Variants in FADS2 observed in about 807,000 individuals in gnomAD.
FADS2 encodes the protein acyl-CoA 6-desaturase.
Under a neutral mutation model 61.2 loss-of-function variants are expected in FADS2, and 18 were observed. The observed-to-expected ratio is 0.29, with a 90% CI of 0.20 to 0.44. The LOEUF (loss-of-function observed/expected upper bound fraction) is 0.44. Among genes scored for constraint, FADS2 ranks in the 20% least tolerant of loss-of-function variants. FADS2 has a pLI of 1.00. For synonymous variants in FADS2, 203 were observed against 223.9 expected (o/e 0.91, Z 0.83); for missense variants, 322 against 572.7 (o/e 0.56, Z 4.47).
intron 1 of FADS2, among the ~76,000 whole-genome samples, chr11:61,829,470 C>T (rs2067109939): frequency 6.6e-6 from 1 of 152,218 alleles, no homozygotes; most frequent in African/African-American, 2.4e-5. Context: ...TGCTGCCCAC[C>T]TTACCCCCAC....
chr11:61,831,120 G>C (rs1388934170), intron 1 of FADS2, among the ~76,000 whole-genome samples: 2 of 152,038 alleles, frequency 1.3e-5, no homozygotes, highest in African/African-American at 4.8e-5. Flanking sequence ...AACTGTCCAG[G>C]ACCAGGTTGG....
chr11:61,858,588 G>A (rs544040647), intron 7 of FADS2, among the ~76,000 whole-genome samples: 6 of 150,198 alleles, frequency 4.0e-5, no homozygotes, highest in South Asian at 4.2e-4. Context: ...TTGTAATTAC[G>A]TCATCTTTTT....
At chr11:61,819,575 AC>A (rs2067021405) in intron 1 of FADS2, among the ~76,000 whole-genome samples, 1 of 152,232 alleles carries the variant, frequency 6.6e-6, no homozygotes, top group Non-Finnish European at 1.5e-5. Flanking sequence ...CTATTTATAA[AC>A]AAAAAATATT....
At chr11:61,861,865 T>C (rs1228329454) in intron 7 of FADS2, 1 of 152,290 alleles carries the variant, frequency 6.6e-6, no homozygotes, top group Non-Finnish European at 1.5e-5. Flanking sequence ...TGGGTTCTGG[T>C]TTAGGCCTCT....
intron 1 of FADS2, among the ~76,000 whole-genome samples, chr11:61,819,576 C>CA (rs1265542930): frequency 6.6e-6 from 1 of 152,100 alleles, no homozygotes; most frequent in Non-Finnish European, 1.5e-5. Flanking sequence ...TATTTATAAA[C>CA]AAAAAATATT....
intron 7 of FADS2, among the ~76,000 whole-genome samples, chr11:61,859,519 A>G (rs1473710520): frequency 5.3e-5 from 8 of 152,150 alleles, no homozygotes; most frequent in Non-Finnish European, 8.8e-5. Flanking sequence ...AACATATTCA[A>G]TGTAAGTCCT....
upstream of FADS2, chr11:61,828,011 G>A (rs919990065): frequency 9.0e-7 from 1 of 1,109,998 alleles, no homozygotes; most frequent in Admixed American, 4.9e-5. The surrounding 1 kb of genome is among the most constrained non-coding windows in gnomAD (Gnocchi z 6.4). Flanking sequence ...AAACTCGGGC[G>A]GCGGGGAACG....
At chr11:61,820,584 TTCTA>T (rs1287859225) in intron 1 of FADS2, among the ~76,000 whole-genome samples, 1 of 151,886 alleles carries the variant, frequency 6.6e-6, no homozygotes, top group East Asian at 1.9e-4. Flanking sequence ...TGGTTTGGAG[TTCTA>T]GGTGGAATCC....
intron 1 of FADS2, among the ~76,000 whole-genome samples, chr11:61,833,557 G>A (rs150662016): frequency 1.3e-5 from 2 of 152,352 alleles, no homozygotes; most frequent in Non-Finnish European, 2.9e-5. Context: ...TCATTCCCGA[G>A]TGTGATAGTG....
intron 4 of FADS2, among the ~76,000 whole-genome samples, chr11:61,844,154 C>A (rs541214814): frequency 6.6e-6 from 1 of 152,162 alleles, no homozygotes; most frequent in Non-Finnish European, 1.5e-5. Flanking sequence ...AAATATTTAA[C>A]AATGAAGAAG....
intron 4 of FADS2, among the ~76,000 whole-genome samples, chr11:61,841,265 C>T (rs761280996): frequency 1.3e-5 from 2 of 151,798 alleles, no homozygotes; most frequent in African/African-American, 2.4e-5. Flanking sequence ...TTGGTCAGGC[C>T]GGTATCAAAC....
At chr11:61,846,131 C>CTTTTTTTTT (rs550169322) in intron 4 of FADS2, among the ~76,000 whole-genome samples, 9 of 130,444 alleles carry the variant, frequency 6.9e-5, no homozygotes, top group East Asian at 2.3e-4. Flanking sequence ...TCTTTCTTTT[C>CTTTTTTTTT]TTTTTTTTTT....
chr11:61,824,503 GAA>G (rs1182668581), upstream of FADS2, among the ~76,000 whole-genome samples: 5 of 1,914 alleles, frequency 2.6e-3, no homozygotes, highest in Admixed American at 0.015. Flanking sequence ...AGAAAGAAAG[GAA>G]AGAAAGAAAG....
chr11:61,817,075 C>G, intron 1 of FADS2: 1 of 1,005,754 alleles, frequency 9.9e-7, no homozygotes, highest in African/African-American at 1.7e-5. Flanking sequence ...AGGCGGGCAT[C>G]GCGGCGTTGG....
At chr11:61,861,767 G>C (rs969465532) in intron 7 of FADS2, among the ~76,000 whole-genome samples, 2 of 152,188 alleles carry the variant, frequency 1.3e-5, no homozygotes, top group Non-Finnish European at 2.9e-5. Context: ...CCTAGGACCA[G>C]CCTAGATTCC....
At chr11:61,861,129 C>G (rs186821279) in intron 7 of FADS2, among the ~76,000 whole-genome samples, 3 of 151,744 alleles carry the variant, frequency 2.0e-5, no homozygotes, top group Non-Finnish European at 4.4e-5. Context: ...CTGAGGCAGG[C>G]GGATCACAAG....
chr11:61,817,008 C>T, intron 1 of FADS2: 1 of 1,319,016 alleles, frequency 7.6e-7, no homozygotes, highest in Non-Finnish European at 9.7e-7. Context: ...GCTGCCAACA[C>T]GCGCCCCCTC....
In FADS2 at chr11:61,835,462, C is replaced by T. The variant is rs868809094; in HGVS notation, c.208-2316C>T. ...AGGCTGGAATGCAGTGGCACGATCT[C>T]AGCTCACTGCAACCTTCCACCTCCC... On this transcript the variant is annotated intron_variant, in intron 1 of 11. Coordinates refer to ENST00000278840, the MANE Select transcript of FADS2 (RefSeq NM_004265.4). 7.8e-4 allele frequency among the ~76,000 whole-genome samples: 118 copies of T among 150,674 alleles called. 1 individual carries two copies. Among genetic ancestry groups the T allele is most frequent in the Non-Finnish European group, 1.5e-3 (104 of 67,776 alleles).
Position 61,865,083 on chromosome 11 carries a change from G to A in FADS2, c.1158-69G>A. The A allele has an allele frequency of 1.3e-6, 2 of 1,554,794 alleles. No individual in the cohort carries two copies. Among genetic ancestry groups the A allele is most frequent in the Non-Finnish European group, 1.7e-6 (2 of 1,145,190 alleles). ...GGCCCCAGCCAGCCTCTGCCCAGGT[G>A]GTGGGAGGAAGCGGGAGCAGCATGG... is the stretch of plus-strand genomic sequence containing the variant. On this transcript the variant is annotated intron_variant, in intron 10 of 11. Coordinates refer to ENST00000278840, the MANE Select transcript of FADS2 (RefSeq NM_004265.4). The surrounding 1 kb of genome is among the most constrained non-coding windows in gnomAD (Gnocchi z 4.1).
Sources: gnomAD v4.1 joint callset for allele counts (sites outside exome capture counted in the v4.1 genomes callset) on GRCh38, gnomAD v4.1.1 for gene constraint, Gnocchi (gnomAD v3.1) non-coding constraint, MANE v1.5 for transcripts, NCBI Gene and HGNC (gene_info 2026-07-23, HGNC 2026-07-21) for gene names.